Variants in ANKRD13C observed in about 807,000 individuals in gnomAD.
ANKRD13C encodes ankyrin repeat domain 13C, also known as ankyrin repeat domain-containing protein 13C.
A neutral mutation model predicts 65.5 loss-of-function variants in ANKRD13C; 16 were observed. The ratio of observed to expected loss-of-function variants is 0.24; its 90% CI spans 0.17 to 0.37. The LOEUF (loss-of-function observed/expected upper bound fraction) is 0.37, where lower values mean the gene tolerates loss of function less well. Among genes scored for constraint, ANKRD13C ranks in the 10% least tolerant of loss-of-function variants. The pLI is 1.00. For synonymous variants in ANKRD13C, 235 were observed against 238.7 expected (o/e 0.98, Z 0.14); for missense variants, 503 against 655.9 (o/e 0.77, Z 2.55).
At chr1:70,344,528 A>C (rs983960484) in intron 1 of ANKRD13C, among the ~76,000 whole-genome samples, 3 of 152,118 alleles carry the variant, frequency 2.0e-5, no homozygotes, top group Non-Finnish European at 4.4e-5. Context: ...GTATCTATTA[A>C]ATGTGTTGGG....
At position 70,354,307 on chromosome 1, in the gene ANKRD13C, G is replaced by C. The variant is rs935737159; in HGVS notation, c.102C>G (p.Leu34=). Residue 34 remains leucine (L), a synonymous_variant, in exon 1 of 13, where the codon CTC becomes CTG. Transcript: ENST00000370944. The part of the protein sequence containing the change: ...EPGDEEAAAA[L]GGTFTRSRIG... ...TCCTGCTTCTGGTAAAGGTACCGCCGAGGGCAGCCGCCGCTTCCTCATCCC... is the reference window on the plus strand; with the variant it reads ...TCCTGCTTCTGGTAAAGGTACCGCCCAGGGCAGCCGCCGCTTCCTCATCCC... 6.2e-7 allele frequency: 1 copy of C among 1,613,806 alleles called. No homozygotes were observed. The highest frequency in any genetic ancestry group is 8.5e-7 in the Non-Finnish European group (1 of 1,180,004).
At chr1:70,293,480 A>G (rs896058047) in intron 8 of ANKRD13C, 2 of 858,064 alleles carry the variant, frequency 2.3e-6, no homozygotes, top group Non-Finnish European at 2.8e-6. Flanking sequence ...TGGGAACCAT[A>G]AGTATTACTG....
chr1:70,335,650 G>T (rs1275829820), intron 2 of ANKRD13C, among the ~76,000 whole-genome samples: 1 of 150,280 alleles, frequency 6.7e-6, no homozygotes, highest in African/African-American at 2.4e-5. Context: ...CAAGTATTAA[G>T]TTTTTGCAAT....
At chr1:70,309,929 T>C (rs1467698542) in intron 5 of ANKRD13C, among the ~76,000 whole-genome samples, 1 of 152,020 alleles carries the variant, frequency 6.6e-6, no homozygotes, top group East Asian at 1.9e-4. Context: ...AAAAAATGAT[T>C]TTATTTCATA....
chr1:70,293,552 T>C (rs570395902), intron 8 of ANKRD13C: 1 of 985,314 alleles, frequency 1.0e-6, no homozygotes, highest in South Asian at 4.7e-5. Flanking sequence ...AGCTTTGAGC[T>C]GCTTAGCAGT....
intron 2 of ANKRD13C, among the ~76,000 whole-genome samples, chr1:70,334,650 C>T (rs1007473740): frequency 6.6e-6 from 1 of 152,004 alleles, no homozygotes; most frequent in Admixed American, 6.6e-5. Flanking sequence ...AAAGGCCAGG[C>T]ACGGTGGCTC....
chr1:70,346,530 G>A (rs1441106605), intron 1 of ANKRD13C, among the ~76,000 whole-genome samples: 1 of 152,086 alleles, frequency 6.6e-6, no homozygotes, highest in Non-Finnish European at 1.5e-5. Flanking sequence ...GAACAAAGCA[G>A]GAAATTGCAA....
chr1:70,341,122 T>C (rs891557608), intron 1 of ANKRD13C, among the ~76,000 whole-genome samples: 3 of 152,044 alleles, frequency 2.0e-5, no homozygotes, highest in Admixed American at 6.6e-5. Flanking sequence ...AAAACAACTA[T>C]TGGGATATTA....
At position 70,300,788 on chromosome 1, in the gene ANKRD13C, T is replaced by C. The variant is rs1450100983; in HGVS notation, c.897A>G (p.Lys299=). The part of the protein sequence containing the change: ...ESFVVLDNEQ[K]VYQRIHHEES... The stretch of plus-strand genomic sequence containing the variant: ...CCTCATGATGTATTCGCTGATAAAC[T>C]TTTTGTTCATTGTCTAATACTACAA... Residue 299 remains lysine, a synonymous_variant, in exon 7 of 13, where the codon AAA becomes AAG. Coordinates refer to ENST00000370944, the MANE Select transcript of ANKRD13C (RefSeq NM_030816.5). 1 of 1,611,052 alleles carries C rather than the reference T, an allele frequency of 6.2e-7. No homozygotes were observed. Among genetic ancestry groups the C allele is most frequent in the African/African-American group, 1.3e-5 (1 of 74,688 alleles).
intron 12 of ANKRD13C, 77 bp downstream of exon 12, chr1:70,270,779 A>C: frequency 1.9e-6 from 2 of 1,025,878 alleles, no homozygotes; most frequent in Non-Finnish European, 2.9e-6. Context: ...GCTTTAAAAG[A>C]AATTGCTTAT....
At chr1:70,340,638 A>G (rs993134563) in intron 1 of ANKRD13C, among the ~76,000 whole-genome samples, 1 of 151,948 alleles carries the variant, frequency 6.6e-6, no homozygotes, top group Non-Finnish European at 1.5e-5. Context: ...AATGTTAAAA[A>G]TCTCCCACTA....
At chr1:70,342,094 G>C (rs958558359) in intron 1 of ANKRD13C, among the ~76,000 whole-genome samples, 1 of 151,404 alleles carries the variant, frequency 6.6e-6, no homozygotes, top group Non-Finnish European at 1.5e-5. Context: ...TAAAAGAATG[G>C]GCGGCCAGGT....
chr1:70,321,828 G>A (rs781359922), intron 3 of ANKRD13C, among the ~76,000 whole-genome samples: 35 of 152,104 alleles, frequency 2.3e-4, no homozygotes, highest in Non-Finnish European at 4.3e-4. Context: ...AGTTTGCATT[G>A]TCTGTTTTGT....
chr1:70,274,350 T>C lies in ANKRD13C; in HGVS notation c.1394+370A>G, dbSNP rs542212592. Among the ~76,000 whole-genome samples the C allele has an allele frequency of 3.3e-5, 5 of 151,224 alleles. No individual in the cohort carries two copies. In the South Asian group the frequency reaches 1.0e-3, roughly 32 times the overall value. The stretch of plus-strand genomic sequence containing the variant: ...TTAGCCGGGCGTGGTGGTGGGCACC[T>C]ATAATCCCAGCTACTCAGGAGGCTG... On this transcript the variant is annotated intron_variant, in intron 11 of 12. Coordinates refer to ENST00000370944, the MANE Select transcript of ANKRD13C (RefSeq NM_030816.5).
Position 70,315,596 on chromosome 1 carries a change from T to A in ANKRD13C, c.578-30A>T, listed in dbSNP as rs531314880. 10 of 1,559,054 alleles carry A rather than the reference T, an allele frequency of 6.4e-6. 1 individual carries two copies. In the South Asian group the frequency reaches 1.2e-4, roughly 18 times the overall value. On this transcript the variant is annotated intron_variant, in intron 3 of 12. Coordinates refer to ENST00000370944, the MANE Select transcript of ANKRD13C (RefSeq NM_030816.5). ...AGTTTAAATTTTAAAAATAACTAAT[T>A]TAAATTTTCATCATGCAGTAAAAAC...
chr1:70,272,727 A>T (rs528923719), intron 11 of ANKRD13C, among the ~76,000 whole-genome samples: 1 of 151,952 alleles, frequency 6.6e-6, no homozygotes. Flanking sequence ...GGTGGCTCAC[A>T]TCTGTAATCC....
In ANKRD13C at chr1:70,264,054, G is replaced by A. The variant is rs548487941; in HGVS notation, c.1496-1207C>T. On this transcript the variant is annotated intron_variant, in intron 12 of 12. Transcript: ENST00000370944. ...TATTCCTTTGTACCTACTATATGCA[G>A]ATGCTATCCTAATCCAGGGGTCTGT... 4.6e-5 allele frequency among the ~76,000 whole-genome samples: 7 copies of A among 152,260 alleles called. No individual in the cohort carries two copies. The East Asian group carries it at 1.3e-3, about 29-fold the overall frequency.
At chr1:70,329,774 T>C (rs1225105836) in intron 2 of ANKRD13C, among the ~76,000 whole-genome samples, 1 of 151,658 alleles carries the variant, frequency 6.6e-6, no homozygotes. Context: ...TAATAACCTA[T>C]GACATAGTCT....
chr1:70,297,286 G>GGTTTTTTTTTTTTTTTTTTTTTTT (rs1558281019), intron 7 of ANKRD13C, among the ~76,000 whole-genome samples: 1 of 125,114 alleles, frequency 8.0e-6, no homozygotes, highest in African/African-American at 3.0e-5. Context: ...GTCCCTTTCT[G>GGTTTTTTTTTTTTTTTTTTTTTTT]ATTTTTTTTT....
Sources: allele counts gnomAD v4.1 joint callset (sites outside exome capture counted in the v4.1 genomes callset), GRCh38; gene constraint gnomAD v4.1.1; transcripts MANE v1.5; gene names NCBI Gene and HGNC (gene_info 2026-07-23, HGNC 2026-07-21).